C2orf76: variants seen among roughly 807,000 people sequenced by gnomAD.
C2orf76 encodes chromosome 2 open reading frame 76.
C2orf76 carries 23 observed loss-of-function variants against 16.9 expected under a neutral mutation model. That is an observed-to-expected ratio of 1.36 (90% CI 0.98 to 1.93). The LOEUF (loss-of-function observed/expected upper bound fraction) is 1.93. Ranked by LOEUF, C2orf76 falls within the 30% of genes most tolerant of loss-of-function variation. The pLI is 0.00. For missense variants in C2orf76, 152 were observed against 152.6 expected, an observed-to-expected ratio of 1.00 and a Z score of 0.02; for synonymous variants, 48 against 52.3, an observed-to-expected ratio of 0.92 and a Z score of 0.35.
intron 1 of C2orf76, among the ~76,000 whole-genome samples, chr2:119,350,458 T>C (rs183410326): frequency 1.3e-5 from 2 of 152,278 alleles, no homozygotes; most frequent in Non-Finnish European, 2.9e-5. Context: ...CCCAGCTAGT[T>C]TGGGGCAATG....
At chr2:119,286,227 A>AGG in the C2orf76 span, among the ~76,000 whole-genome samples, 514 of 131,788 alleles carry the variant, frequency 3.9e-3, 2 homozygotes, top group African/African-American at 0.014. Flanking sequence ...TCCATCTCAA[A>AGG]AAAAAAAAAA....
At chr2:119,313,978 C>G (rs895733260) in intron 4 of C2orf76, among the ~76,000 whole-genome samples, 1 of 145,268 alleles carries the variant, frequency 6.9e-6, no homozygotes, top group Non-Finnish European at 1.5e-5. Flanking sequence ...AGAAAAATTT[C>G]CCCCACTTTT....
At chr2:119,354,179 A>C (rs1302695002) in intron 1 of C2orf76, among the ~76,000 whole-genome samples, 1 of 152,206 alleles carries the variant, frequency 6.6e-6, no homozygotes, top group Non-Finnish European at 1.5e-5. Flanking sequence ...TTTTTTCAAA[A>C]GCATATTTTT....
At position 119,302,549 on chromosome 2, in the gene C2orf76, C is replaced by A; in HGVS notation, c.305-1G>T. On this transcript the variant is annotated splice_acceptor_variant, in intron 5 of 5. Coordinates refer to ENST00000334816, the MANE Select transcript of C2orf76 (RefSeq NM_001322331.2). LOFTEE classifies it high-confidence loss of function. ...AAGAATGCAATTTCAGTTTCACTGG[C>A]TGAAAAAAAACAGAAAATGGAAAAA... 3 of 1,475,312 alleles carry A rather than the reference C, an allele frequency of 2.0e-6. No individual in the cohort carries two copies. The highest frequency in any genetic ancestry group is 2.1e-5 in the Admixed American group (1 of 48,534). The allele number at this position is 1,475,312 out of a possible 1,614,324, so 91.4% of individuals were successfully genotyped here. A position where few individuals can be genotyped will look rare whatever the true frequency, so the allele number is the denominator to read the frequency against.
intron 5 of C2orf76, among the ~76,000 whole-genome samples, chr2:119,306,599 A>G (rs73948648): frequency 0.027 from 4,053 of 152,250 alleles, 179 homozygotes; most frequent in African/African-American, 0.091. Context: ...GAATGTAGCA[A>G]AATGAAAGAG....
intron 1 of C2orf76, among the ~76,000 whole-genome samples, chr2:119,363,506 C>T (rs150720580): frequency 0.016 from 2,409 of 152,002 alleles, 29 homozygotes; most frequent in Non-Finnish European, 0.026. Context: ...TCCAAGTAAC[C>T]GGAAAGAAAA....
At chr2:119,322,549 G>A (rs949525642) in intron 2 of C2orf76, among the ~76,000 whole-genome samples, 14 of 152,156 alleles carry the variant, frequency 9.2e-5, no homozygotes, top group Admixed American at 3.9e-4. Flanking sequence ...ACGAGTGTGT[G>A]TAAAATGACA....
At chr2:119,324,275 A>C (rs1679439608) in intron 2 of C2orf76, among the ~76,000 whole-genome samples, 1 of 152,110 alleles carries the variant, frequency 6.6e-6, no homozygotes, top group Admixed American at 6.5e-5. Flanking sequence ...CACAGCGAGC[A>C]CCTATTCTCT....
chr2:119,319,690 G>A (rs1156988367), intron 3 of C2orf76, among the ~76,000 whole-genome samples: 1 of 152,092 alleles, frequency 6.6e-6, no homozygotes, highest in Non-Finnish European at 1.5e-5. Context: ...AATTAAATGG[G>A]AGGAGGGCTC....
the C2orf76 span, among the ~76,000 whole-genome samples, chr2:119,283,543 T>G: frequency 6.6e-6 from 1 of 152,160 alleles, no homozygotes; most frequent in African/African-American, 2.4e-5. Flanking sequence ...GGCGCCATCT[T>G]GGCTCACTGC....
At chr2:119,353,725 G>A (rs1317028626) in intron 1 of C2orf76, among the ~76,000 whole-genome samples, 1 of 151,892 alleles carries the variant, frequency 6.6e-6, no homozygotes, top group African/African-American at 2.4e-5. Context: ...GCCACGCCTG[G>A]CTAATTTTTG....
intron 1 of C2orf76, among the ~76,000 whole-genome samples, chr2:119,350,083 C>A (rs1317684246): frequency 2.3e-5 from 3 of 131,254 alleles, no homozygotes; most frequent in Admixed American, 7.3e-5. Context: ...CCCGCCCCCC[C>A]ACCGTCCCGC....
At chr2:119,323,233 C>T (rs1679403903) in intron 2 of C2orf76, among the ~76,000 whole-genome samples, 1 of 151,386 alleles carries the variant, frequency 6.6e-6, no homozygotes, top group Admixed American at 6.6e-5. Context: ...GTTGCCCAGG[C>T]TGATCTAAAA....
chr2:119,357,348 T>G (rs1680602856), intron 1 of C2orf76, among the ~76,000 whole-genome samples: 1 of 152,112 alleles, frequency 6.6e-6, no homozygotes, highest in African/African-American at 2.4e-5. Context: ...TACATAAAAA[T>G]AATTATACAC....
chr2:119,339,629 C>T (rs1338456832), intron 2 of C2orf76, among the ~76,000 whole-genome samples, 198 bp downstream of exon 2: 2 of 151,438 alleles, frequency 1.3e-5, no homozygotes, highest in Non-Finnish European at 2.9e-5. Flanking sequence ...CATGAGGACA[C>T]AGACTATTCA....
chr2:119,351,100 G>T (rs931436768), intron 1 of C2orf76, among the ~76,000 whole-genome samples: 1 of 152,106 alleles, frequency 6.6e-6, no homozygotes, highest in Non-Finnish European at 1.5e-5. Context: ...ACAGGATTAG[G>T]GTCTCGTGAG....
intron 1 of C2orf76, among the ~76,000 whole-genome samples, chr2:119,343,101 A>T (rs1002682454): frequency 6.6e-6 from 1 of 152,148 alleles, no homozygotes; most frequent in Non-Finnish European, 1.5e-5. Flanking sequence ...AGTCACATTA[A>T]TTTGGCCTAG....
At chr2:119,301,903 T>C (rs1198359081), downstream of C2orf76, among the ~76,000 whole-genome samples, 2 of 148,622 alleles carry the variant, frequency 1.3e-5, no homozygotes, top group Non-Finnish European at 3.0e-5. Context: ...ATTATTTGTA[T>C]AGGCTGCAAT....
intron 5 of C2orf76, among the ~76,000 whole-genome samples, chr2:119,305,569 T>G (rs1678751335): frequency 6.6e-6 from 1 of 152,170 alleles, no homozygotes; most frequent in Non-Finnish European, 1.5e-5. Flanking sequence ...GCACTGATTT[T>G]GTGGTACAGA....
Sources: allele counts gnomAD v4.1 joint callset (sites outside exome capture counted in the v4.1 genomes callset), GRCh38; gene constraint gnomAD v4.1.1; transcripts MANE v1.5; gene names NCBI Gene and HGNC (gene_info 2026-07-23, HGNC 2026-07-21).